The following INPP4A variants were observed in gnomAD, a reference collection of about 807,000 sequenced individuals.
INPP4A encodes inositol polyphosphate-4-phosphatase, type I, 107kD.
Under a neutral mutation model 119.8 loss-of-function variants are expected in INPP4A, and 33 were observed. That is an observed-to-expected ratio of 0.28 (90% CI 0.21 to 0.37). The LOEUF (loss-of-function observed/expected upper bound fraction) is 0.37. Among genes scored for constraint, INPP4A ranks in the 10% least tolerant of loss-of-function variants. INPP4A has a pLI of 1.00. For synonymous variants in INPP4A, 496 were observed against 500.7 expected, an observed-to-expected ratio of 0.99 and a Z score of 0.12; for missense variants, 956 against 1,289.9, an observed-to-expected ratio of 0.74 and a Z score of 3.97.
intron 4 of INPP4A, among the ~76,000 whole-genome samples, chr2:98,528,082 A>G (rs868096145): frequency 2.6e-5 from 4 of 152,372 alleles, no homozygotes; most frequent in Middle Eastern, 6.8e-3. Flanking sequence ...AACTTAGTAG[A>G]CAAAGATTTT....
In INPP4A at chr2:98,499,200, C is replaced by T. The variant is rs1574761585; in HGVS notation, c.-165-19764C>T. Among the ~76,000 whole-genome samples the T allele has an allele frequency of 1.1e-4, 17 of 152,322 alleles. 1 individual carries two copies. The South Asian group carries it at 3.5e-3, about 32-fold the overall frequency. On this transcript the variant is annotated intron_variant, in intron 1 of 24. Coordinates refer to ENST00000409851, the MANE Select transcript of INPP4A (RefSeq NM_001134225.2). ...TTGCTGACCAGCCTGGTGACAGAAG[C>T]CATCTGTCAGCCTGCTGTGGAGTCG...
At chr2:98,565,812 T>C in intron 20 of INPP4A, 46 bp downstream of exon 20, 2 of 1,594,694 alleles carry the variant, frequency 1.3e-6, no homozygotes, top group Non-Finnish European at 1.7e-6. Context: ...GCGGTTTTCA[T>C]TTTTGTTTAT....
chr2:98,551,980 T>A (rs1693620412), intron 13 of INPP4A, among the ~76,000 whole-genome samples: 1 of 152,196 alleles, frequency 6.6e-6, no homozygotes, highest in African/African-American at 2.4e-5. Context: ...GATGTGAAGT[T>A]GGTCTTTCAG....
intron 1 of INPP4A, among the ~76,000 whole-genome samples, chr2:98,501,215 G>A (rs1683051797): frequency 6.6e-6 from 1 of 152,164 alleles, no homozygotes; most frequent in African/African-American, 2.4e-5. Context: ...TGCTCGGGAG[G>A]CTGAGGCAGG....
rs41531644 is a variant in INPP4A at position 98,519,814 on chromosome 2, C to G, written c.-103-132C>G. On this transcript the variant is annotated intron_variant, in intron 2 of 24. Transcript: ENST00000409851. ...GGGGCAGGGAGCAGTGGACAGTCCA[C>G]CCCGGTTCCTCACATGCTGGGGAAC... 3.8e-5 allele frequency: 20 copies of G among 526,344 alleles called. 1 individual carries two copies. Among genetic ancestry groups the G allele is most frequent in the South Asian group, 3.7e-4 (18 of 48,296 alleles). 32.6% of individuals were successfully genotyped at this position (526,344 alleles called of 1,614,324 possible).
chr2:98,536,391 CT>C (rs1690270505), intron 7 of INPP4A, among the ~76,000 whole-genome samples, 183 bp downstream of exon 7: 1 of 152,100 alleles, frequency 6.6e-6, no homozygotes, highest in Non-Finnish European at 1.5e-5. Flanking sequence ...AGAATGGAAA[CT>C]TTTAGCATCC....
intron 11 of INPP4A, among the ~76,000 whole-genome samples, chr2:98,544,396 A>G (rs982064683): frequency 1.8e-4 from 28 of 152,354 alleles, no homozygotes; most frequent in South Asian, 4.1e-4. Context: ...GAAAGGATGT[A>G]GGCCACTCGC....
chr2:98,589,913 G>A lies in INPP4A; in HGVS notation c.*2305G>A, dbSNP rs1700277115. On this transcript the variant is annotated 3_prime_UTR_variant, in exon 25 of 25. Transcript: ENST00000409851. ...TCTGTCAGAGCTCCTACAGAGCACAGTTGCCTTTAGTTTCCTTTAAAGATG... is the reference window on the plus strand; with the variant it reads ...TCTGTCAGAGCTCCTACAGAGCACAATTGCCTTTAGTTTCCTTTAAAGATG... 1 of 197,428 alleles carries A rather than the reference G, an allele frequency of 5.1e-6. No homozygotes were observed. Among genetic ancestry groups the A allele is most frequent in the Non-Finnish European group, 1.0e-5 (1 of 95,392 alleles). 12.2% of individuals were successfully genotyped at this position (197,428 alleles called of 1,614,324 possible).
chr2:98,573,583 C>T (rs919724591), intron 23 of INPP4A, among the ~76,000 whole-genome samples: 1 of 152,170 alleles, frequency 6.6e-6, no homozygotes, highest in Non-Finnish European at 1.5e-5. Context: ...GGAGGTGGCA[C>T]TGCACTGCCC....
intron 17 of INPP4A, among the ~76,000 whole-genome samples, chr2:98,563,125 A>C (rs1468725167): frequency 2.0e-5 from 3 of 152,068 alleles, no homozygotes; most frequent in African/African-American, 7.2e-5. Context: ...GGGACAGAGC[A>C]TTTTCTGGCC....
Position 98,577,153 on chromosome 2 carries a change from G to T in INPP4A, c.2786+10G>T. The T allele has an allele frequency of 6.3e-7, 1 of 1,591,440 alleles. No individual in the cohort carries two copies. Among genetic ancestry groups the T allele is most frequent in the East Asian group, 2.3e-5 (1 of 43,726 alleles). On this transcript the variant is annotated intron_variant, in intron 24 of 24. Transcript: ENST00000409851. ...TGGAGTGCATGCGCAGGTGAGTGCC[G>T]CAGCCAGGCCGCGCGCCCCGCCTGC...
intron 1 of INPP4A, among the ~76,000 whole-genome samples, chr2:98,495,749 C>G (rs1681803187): frequency 6.6e-6 from 1 of 152,080 alleles, no homozygotes; most frequent in African/African-American, 2.4e-5. Context: ...TTGTGGAGAC[C>G]AGGGTTTTAT....
chr2:98,532,571 G>A (rs536189420), intron 4 of INPP4A, among the ~76,000 whole-genome samples: 1 of 152,268 alleles, frequency 6.6e-6, no homozygotes, highest in South Asian at 2.1e-4. Flanking sequence ...TGTACTAACA[G>A]GATCCCAGAT....
intron 1 of INPP4A, among the ~76,000 whole-genome samples, chr2:98,496,269 C>A (rs958168796): frequency 6.6e-6 from 1 of 152,166 alleles, no homozygotes; most frequent in Non-Finnish European, 1.5e-5. Context: ...CTTAGAATTA[C>A]ATTTTTGGCT....
chr2:98,472,024 G>T (rs977682158), intron 1 of INPP4A, among the ~76,000 whole-genome samples: 3 of 152,198 alleles, frequency 2.0e-5, no homozygotes, highest in Non-Finnish European at 4.4e-5. Context: ...CCACAAGGAG[G>T]GTGTAGGAAT....
rs1690991033 is a variant in INPP4A at position 98,539,525 on chromosome 2, C to T, written c.671-3C>T. 1.2e-6 allele frequency: 2 copies of T among 1,603,176 alleles called. No homozygotes were observed. Among genetic ancestry groups the T allele is most frequent in the African/African-American group, 1.3e-5 (1 of 74,476 alleles). ...GCCTGTCTCCCTTGTCATCCCACCT[C>T]AGTGTTCGGTGGTGCCATCTGCCGC... On this transcript the variant is annotated splice_region_variant and splice_polypyrimidine_tract_variant and intron_variant, in intron 9 of 24. Coordinates refer to ENST00000409851, the MANE Select transcript of INPP4A (RefSeq NM_001134225.2).
At chr2:98,584,954 A>G (rs1474972552) in intron 24 of INPP4A, among the ~76,000 whole-genome samples, 2 of 152,244 alleles carry the variant, frequency 1.3e-5, no homozygotes, top group Non-Finnish European at 1.5e-5. Context: ...GGTCATTGAC[A>G]TTTAGTGATG....
chr2:98,517,138 G>T (rs1686294571), intron 1 of INPP4A, among the ~76,000 whole-genome samples: 1 of 152,130 alleles, frequency 6.6e-6, no homozygotes, highest in South Asian at 2.1e-4. Flanking sequence ...CCATACTCTG[G>T]ATGCCACAGA....
intron 1 of INPP4A, among the ~76,000 whole-genome samples, chr2:98,487,419 A>G (rs1036599369): frequency 2.0e-5 from 3 of 152,026 alleles, no homozygotes; most frequent in African/African-American, 7.2e-5. Context: ...TTTTTTTGAG[A>G]CAAGGTCTTG....
Sources: gnomAD v4.1 joint callset for allele counts (sites outside exome capture counted in the v4.1 genomes callset) on GRCh38, gnomAD v4.1.1 for gene constraint, MANE v1.5 for transcripts, NCBI Gene and HGNC (gene_info 2026-07-23, HGNC 2026-07-21) for gene names.